Variants in SPAG16 observed in about 807,000 individuals in gnomAD.
SPAG16 encodes sperm-associated antigen 16 protein.
A neutral mutation model predicts 80.4 loss-of-function variants in SPAG16; 86 were observed. The observed-to-expected ratio is 1.07, with a 90% CI of 0.90 to 1.28. The LOEUF is 1.28. Ranked by LOEUF, SPAG16 falls within the 50% of genes most tolerant of loss-of-function variation. SPAG16 has a pLI of 0.00. For synonymous variants in SPAG16, 294 were observed against 265.9 expected, an observed-to-expected ratio of 1.11 and a Z score of -1.03; for missense variants, 870 against 765.3, an observed-to-expected ratio of 1.14 and a Z score of -1.61.
chr2:213,412,079 C>T (rs28436870), intron 9 of SPAG16, among the ~76,000 whole-genome samples: 4,493 of 152,226 alleles, frequency 0.03, 113 homozygotes, highest in Non-Finnish European at 0.047. Context: ...TGATTACCTA[C>T]TCCACCCTGA....
At chr2:213,452,723 A>C (rs1399169865) in intron 9 of SPAG16, among the ~76,000 whole-genome samples, 1 of 152,246 alleles carries the variant, frequency 6.6e-6, no homozygotes, top group Non-Finnish European at 1.5e-5. Context: ...TGAATCTTGC[A>C]ACAAACCCCC....
intron 10 of SPAG16, among the ~76,000 whole-genome samples, chr2:213,792,147 C>T (rs2070736620): frequency 6.6e-6 from 1 of 152,162 alleles, no homozygotes; most frequent in Non-Finnish European, 1.5e-5. Context: ...TTGTTTGTTA[C>T]AGAAAACAGA....
intron 12 of SPAG16, among the ~76,000 whole-genome samples, chr2:213,940,469 TA>T (rs1465800600): frequency 3.9e-5 from 6 of 152,076 alleles, no homozygotes; most frequent in Admixed American, 1.3e-4. Flanking sequence ...TATTTATTTT[TA>T]TTTTTTAGGA....
intron 10 of SPAG16, among the ~76,000 whole-genome samples, chr2:213,577,554 G>A (rs935722678): frequency 3.9e-5 from 6 of 152,080 alleles, no homozygotes; most frequent in African/African-American, 1.4e-4. Context: ...GTCTGTACTG[G>A]GGCTTCTAAA....
At chr2:213,835,672 T>C (rs2074033224) in intron 10 of SPAG16, among the ~76,000 whole-genome samples, 1 of 152,198 alleles carries the variant, frequency 6.6e-6, no homozygotes, top group South Asian at 2.1e-4. Context: ...CTCTAAAATT[T>C]TAACCTCCAT....
At chr2:213,912,145 T>C (rs1017184740) in intron 11 of SPAG16, among the ~76,000 whole-genome samples, 6 of 152,172 alleles carry the variant, frequency 3.9e-5, no homozygotes, top group African/African-American at 1.4e-4. Context: ...TCCTTGCTTA[T>C]TTCTCTTTGC....
chr2:213,757,112 A>G (rs949746775), intron 10 of SPAG16, among the ~76,000 whole-genome samples: 1 of 152,228 alleles, frequency 6.6e-6, no homozygotes, highest in Admixed American at 6.5e-5. Context: ...GGAAATTTTT[A>G]AAAATTGGGT....
At chr2:214,160,582 T>G (rs1308264850) in intron 15 of SPAG16, among the ~76,000 whole-genome samples, 1 of 152,000 alleles carries the variant, frequency 6.6e-6, no homozygotes, top group Admixed American at 6.6e-5. Flanking sequence ...CGTTCCTACT[T>G]TCATTCTTTC....
chr2:213,838,740 A>T (rs1335253609), intron 10 of SPAG16, among the ~76,000 whole-genome samples: 1 of 152,200 alleles, frequency 6.6e-6, no homozygotes, highest in African/African-American at 2.4e-5. Flanking sequence ...TTTCAAAATT[A>T]CTTTCCTTGT....
chr2:214,038,994 A>C (rs1293734997), intron 13 of SPAG16, among the ~76,000 whole-genome samples: 1 of 152,180 alleles, frequency 6.6e-6, no homozygotes, highest in African/African-American at 2.4e-5. Flanking sequence ...ATAGTGCCGC[A>C]ATAAACATAC....
At chr2:213,927,788 G>T (rs1179196211) in intron 11 of SPAG16, among the ~76,000 whole-genome samples, 1 of 151,964 alleles carries the variant, frequency 6.6e-6, no homozygotes, top group East Asian at 1.9e-4. Context: ...GCCACAGGCA[G>T]AAACATACCA....
chr2:214,087,472 G>A (rs974950530), intron 13 of SPAG16, among the ~76,000 whole-genome samples: 1 of 152,074 alleles, frequency 6.6e-6, no homozygotes, highest in Non-Finnish European at 1.5e-5. Flanking sequence ...CCAGGAAACT[G>A]TGCAAGTTCT....
intron 13 of SPAG16, among the ~76,000 whole-genome samples, chr2:214,061,981 G>GCACACACACACACACA (rs58582439): frequency 6.3e-5 from 7 of 111,536 alleles, no homozygotes; most frequent in African/African-American, 1.4e-4. Context: ...ATAAAAGCAT[G>GCACACACACACACACA]CACACACACA....
intron 15 of SPAG16, among the ~76,000 whole-genome samples, chr2:214,377,859 A>G (rs1482635403): frequency 6.6e-6 from 1 of 152,206 alleles, no homozygotes; most frequent in African/African-American, 2.4e-5. Context: ...ACATATCCCT[A>G]TCTTAATCCC....
intron 15 of SPAG16, chr2:214,240,102 G>A (rs1450734933): frequency 1.3e-5 from 2 of 152,126 alleles, no homozygotes; most frequent in Admixed American, 1.3e-4. Context: ...CCAAAGTCCT[G>A]GGGACGCTGA....
intron 12 of SPAG16, among the ~76,000 whole-genome samples, chr2:213,963,697 T>C (rs1050984209): frequency 6.6e-6 from 1 of 152,186 alleles, no homozygotes; most frequent in Non-Finnish European, 1.5e-5. Context: ...GTTTCAGGTC[T>C]TTCAGGTTTA....
intron 10 of SPAG16, among the ~76,000 whole-genome samples, chr2:213,625,591 A>G (rs915849069): frequency 2.0e-5 from 3 of 152,132 alleles, no homozygotes; most frequent in Non-Finnish European, 4.4e-5. Flanking sequence ...TTTATGTCTT[A>G]TTTAAGAAAT....
chr2:213,389,780 G>A (rs1160906401), intron 9 of SPAG16, among the ~76,000 whole-genome samples: 1 of 152,086 alleles, frequency 6.6e-6, no homozygotes, highest in Non-Finnish European at 1.5e-5. Context: ...GTTCACTATT[G>A]GCAGAATGTA....
At chr2:213,792,576 CTTTTTTTT>C (rs11372174) in intron 10 of SPAG16, among the ~76,000 whole-genome samples, 2 of 78,258 alleles carry the variant, frequency 2.6e-5, no homozygotes, top group Admixed American at 3.8e-4. Context: ...AAATGAGTAT[CTTTTTTTT>C]TTTTTTTTTT....
Sources: allele counts gnomAD v4.1 joint callset (sites outside exome capture counted in the v4.1 genomes callset), GRCh38; gene constraint gnomAD v4.1.1; transcripts MANE v1.5; gene names NCBI Gene and HGNC (gene_info 2026-07-23, HGNC 2026-07-21).